Variants in JAK2 observed in about 807,000 individuals in gnomAD.
JAK2 encodes tyrosine-protein kinase JAK2.
In JAK2, 86 loss-of-function variants were observed where a neutral mutation model predicts 139.3. The observed-to-expected ratio is 0.62, with a 90% CI of 0.52 to 0.74. The LOEUF (loss-of-function observed/expected upper bound fraction) is 0.74, where lower values mean the gene tolerates loss of function less well. JAK2 is among the 30% of genes least tolerant of loss of function. The pLI is 0.00. For synonymous variants in JAK2, 490 were observed against 437.7 expected (o/e 1.12, Z -1.49); for missense variants, 1,421 against 1,360.3 (o/e 1.04, Z -0.70).
intron 4 of JAK2, among the ~76,000 whole-genome samples, chr9:5,036,209 G>T (rs1195357276): frequency 6.6e-6 from 1 of 152,096 alleles, no homozygotes; most frequent in Non-Finnish European, 1.5e-5. Flanking sequence ...ACAAACCACT[G>T]CTCAATGAAG....
At chr9:5,042,692 G>A (rs1298248875) in intron 4 of JAK2, among the ~76,000 whole-genome samples, 1 of 152,144 alleles carries the variant, frequency 6.6e-6, no homozygotes, top group Non-Finnish European at 1.5e-5. Flanking sequence ...GGCCTGGCCT[G>A]GAGGGGTGCT....
At chr9:5,086,219 A>ACGGT in intron 19 of JAK2, 1 of 603,646 alleles carries the variant, frequency 1.7e-6, no homozygotes, top group Non-Finnish European at 2.1e-6. Flanking sequence ...GCGCGAGGCC[A>ACGGT]CGGTCGGAGT....
intron 19 of JAK2, among the ~76,000 whole-genome samples, chr9:5,086,827 G>C (rs1229060181): frequency 6.6e-6 from 1 of 152,036 alleles, no homozygotes; most frequent in African/African-American, 2.4e-5. Context: ...ACGTAAATTG[G>C]TGACCCTTTC....
chr9:5,047,096 C>G (rs1009782350), intron 5 of JAK2, among the ~76,000 whole-genome samples: 2 of 151,940 alleles, frequency 1.3e-5, no homozygotes, highest in African/African-American at 4.8e-5. Context: ...TAGATAGTAC[C>G]ACAAGCAATT....
chr9:5,013,744 C>T (rs1821860774), intron 2 of JAK2, among the ~76,000 whole-genome samples: 1 of 152,094 alleles, frequency 6.6e-6, no homozygotes, highest in Non-Finnish European at 1.5e-5. Flanking sequence ...TAATTATGAT[C>T]ATTTTCTTCT....
chr9:5,035,540 C>G (rs984249514), intron 4 of JAK2, among the ~76,000 whole-genome samples: 35 of 152,206 alleles, frequency 2.3e-4, no homozygotes, highest in Admixed American at 4.6e-4. Flanking sequence ...CCACCATGAT[C>G]AAGTGGGCTT....
At chr9:4,992,467 T>C (rs1045138651) in intron 2 of JAK2, among the ~76,000 whole-genome samples, 6 of 152,146 alleles carry the variant, frequency 3.9e-5, no homozygotes, top group African/African-American at 1.2e-4. Flanking sequence ...TGGGAAATAG[T>C]GTTATGGCCA....
chr9:5,102,417 TG>T (rs1337497866), intron 22 of JAK2, among the ~76,000 whole-genome samples: 1 of 152,226 alleles, frequency 6.6e-6, no homozygotes, highest in Non-Finnish European at 1.5e-5. Context: ...TACATTTGAT[TG>T]TTGTACCTGA....
rs569948641 is a variant in JAK2, at chr9:5,088,937, T to TA, written c.2572-735dup. On this transcript the variant is annotated intron_variant, in intron 19 of 24. Transcript: ENST00000381652. Reference sequence around the variant, plus strand: ...AAGGCTTCATTATATAAATTTTGGGTAAGGGGTCACTGACATTTAGCCCAT... The same window carrying TA: ...AAGGCTTCATTATATAAATTTTGGGTAAAGGGGTCACTGACATTTAGCCCAT... Among the ~76,000 whole-genome samples, 202 of 152,300 alleles carry TA rather than the reference T, an allele frequency of 1.3e-3. 2 individuals carry two copies. The highest frequency in any genetic ancestry group is 0.01 in the South Asian group (50 of 4,830).
At chr9:5,037,024 C>G (rs1042037267) in intron 4 of JAK2, among the ~76,000 whole-genome samples, 8 of 152,180 alleles carry the variant, frequency 5.3e-5, no homozygotes, top group African/African-American at 1.9e-4. Flanking sequence ...AAGAAAACAA[C>G]AACCCCATCA....
In JAK2 at chr9:5,090,435, T is replaced by C. The variant is rs762986767; in HGVS notation, c.2762-11T>C. 14 of 1,523,660 alleles carry C rather than the reference T, an allele frequency of 9.2e-6. No homozygotes were observed. The highest frequency in any genetic ancestry group is 2.8e-5 in the African/African-American group (2 of 72,084). The allele number at this position is 1,523,660 out of a possible 1,614,324, so 94.4% of individuals were successfully genotyped here. ...CAGAGTAAAACATTATTTCCACCTTTATGTTAAAAGGTCGGCGTAATCTAA... is the reference window on the plus strand; with the variant it reads ...CAGAGTAAAACATTATTTCCACCTTCATGTTAAAAGGTCGGCGTAATCTAA... On this transcript the variant is annotated splice_polypyrimidine_tract_variant and intron_variant, in intron 20 of 24. Coordinates refer to ENST00000381652, the MANE Select transcript of JAK2 (RefSeq NM_004972.4).
chr9:5,041,678 C>T, intron 4 of JAK2: 2 of 511,498 alleles, frequency 3.9e-6, no homozygotes, highest in East Asian at 5.3e-5. Context: ...CCAGCTACCT[C>T]TTCGACCGAA....
At chr9:5,021,315 T>C (rs1822414482) in intron 2 of JAK2, among the ~76,000 whole-genome samples, 1 of 152,222 alleles carries the variant, frequency 6.6e-6, no homozygotes, top group Non-Finnish European at 1.5e-5. Flanking sequence ...ACCAGATAAC[T>C]CTAGTCAACC....
At position 5,072,512 on chromosome 9, in the gene JAK2, C is replaced by T; in HGVS notation, c.1662C>T (p.Gly554=). 6.3e-7 allele frequency: 1 copy of T among 1,590,700 alleles called. No individual in the cohort carries two copies. Among genetic ancestry groups the T allele is most frequent in the South Asian group, 1.2e-5 (1 of 86,712 alleles). Reference sequence around the variant, plus strand: ...TGAAGAATGAAAGCCTTGGCCAAGGCACTTTTACAAAGATTTTTAAAGGCG... The same window carrying T: ...TGAAGAATGAAAGCCTTGGCCAAGGTACTTTTACAAAGATTTTTAAAGGCG... ...DLIFNESLGQ[G]TFTKIFKGVR... The change falls in exon 13 of 25, where the codon GGC becomes GGT. Residue 554 remains glycine (G), a synonymous_variant. Transcript: ENST00000381652.
chr9:5,068,324 G>A (rs1439414544), intron 10 of JAK2, among the ~76,000 whole-genome samples: 1 of 152,144 alleles, frequency 6.6e-6, no homozygotes, highest in African/African-American at 2.4e-5. Context: ...TCATAATATA[G>A]TGCATAAGAC....
At chr9:5,123,270 CATTGTAT>C (rs1469864297) in intron 23 of JAK2, 149 bp downstream of exon 23, 2 of 528,306 alleles carry the variant, frequency 3.8e-6, no homozygotes, top group African/African-American at 3.9e-5. Flanking sequence ...TAATAACATA[CATTGTAT>C]CCCTTAAATA....
chr9:5,126,404 G>T lies in JAK2; in HGVS notation c.3249G>T (p.Lys1083Asn), dbSNP rs755123387. 6.2e-7 allele frequency: 1 copy of T among 1,610,884 alleles called. No homozygotes were observed. The highest frequency in any genetic ancestry group is 1.7e-5 in the Admixed American group (1 of 59,676). ...TGTTCCATTTGATAGAACTTTTGAA[G>T]AATAATGGAAGATTACCAAGACCAG... ...MIVFHLIELL[K>N]NNGRLPRPDG... The change falls in exon 24 of 25, where the codon AAG (lysine) becomes AAT (asparagine). Residue 1083 changes from lysine (K) to asparagine (N), a missense_variant. Lys to Asn is a moderately conservative substitution (Grantham distance 94). Transcript: ENST00000381652.
chr9:5,021,109 C>G (rs1425681827), intron 2 of JAK2, among the ~76,000 whole-genome samples: 2 of 152,182 alleles, frequency 1.3e-5, no homozygotes, highest in Non-Finnish European at 2.9e-5. Flanking sequence ...CTCACTTACT[C>G]TTTCCCCACA....
rs1817365465 is a variant in JAK2 at position 5,050,819 on chromosome 9, ATAACTCTATCAGG to A, written c.606_614+4del. ...AACGATCAAACCCCACTGGCCATCT[ATAACTCTATCAGG>A]TAATTTTCTTTTGCAAATCCTTACA... On this transcript the variant is annotated splice_donor_variant and coding_sequence_variant, in exon 6 of 25. Transcript: ENST00000381652. LOFTEE classifies it high-confidence loss of function. The A allele has an allele frequency of 6.2e-7, 1 of 1,613,276 alleles. No individual in the cohort carries two copies. The highest frequency in any genetic ancestry group is 8.5e-7 in the Non-Finnish European group (1 of 1,179,528).
Sources: allele counts gnomAD v4.1 joint callset (sites outside exome capture counted in the v4.1 genomes callset), GRCh38; gene constraint gnomAD v4.1.1; transcripts MANE v1.5; gene names NCBI Gene and HGNC (gene_info 2026-07-23, HGNC 2026-07-21).